ESYT3: variants seen among roughly 807,000 people sequenced by gnomAD.
The protein encoded by ESYT3 is extended synaptotagmin 3.
A neutral mutation model predicts 111.5 loss-of-function variants in ESYT3; 101 were observed. That is an observed-to-expected ratio of 0.91 (90% CI 0.77 to 1.07). The LOEUF is 1.07. Ranked by LOEUF, ESYT3 falls within the 50% of genes least tolerant of loss-of-function variation. The pLI is 0.00. For missense variants in ESYT3, 1,097 were observed against 1,109.4 expected (o/e 0.99, Z 0.16); for synonymous variants, 416 against 446.8 (o/e 0.93, Z 0.87).
chr3:138,471,547 G>T lies in ESYT3; in HGVS notation c.1740+521G>T, dbSNP rs148485032. 3.4e-3 allele frequency among the ~76,000 whole-genome samples: 519 copies of T among 152,200 alleles called. 3 individuals are homozygous for T. Among genetic ancestry groups the T allele is most frequent in the African/African-American group, 0.012 (488 of 41,524 alleles). On this transcript the variant is annotated intron_variant, in intron 17 of 22. Coordinates refer to ENST00000389567, the MANE Select transcript of ESYT3 (RefSeq NM_031913.5). ...TGGTCATTTGAAAATATGTTACAAT[G>T]TATTAATATGTATGTTCTATTATTT... is the stretch of plus-strand genomic sequence containing the variant.
At chr3:138,443,644 T>C (rs987871874) in intron 1 of ESYT3, among the ~76,000 whole-genome samples, 8 of 152,142 alleles carry the variant, frequency 5.3e-5, no homozygotes, top group Admixed American at 5.2e-4. Flanking sequence ...TAGGAAACTG[T>C]GTGTGTCTTT....
In ESYT3 at chr3:138,465,347, G is replaced by A; in HGVS notation, c.1095G>A (p.Val365=). The change falls in exon 10 of 23, where the codon GTG becomes GTA. Residue 365 remains valine, a synonymous_variant. Coordinates refer to ENST00000389567, the MANE Select transcript of ESYT3 (RefSeq NM_031913.5). ...PTWNEVFEFM[V]YEVPGQDLEV... ...CCTCTTTTTCCTTCCAGTTCATGGTGTACGAAGTCCCTGGACAGGACCTGG... is the reference window on the plus strand; with the variant it reads ...CCTCTTTTTCCTTCCAGTTCATGGTATACGAAGTCCCTGGACAGGACCTGG... The A allele has an allele frequency of 6.3e-7, 1 of 1,590,938 alleles. No homozygotes were observed. The highest frequency in any genetic ancestry group is 1.2e-5 in the South Asian group (1 of 86,740).
At chr3:138,460,583 G>T (rs1453030299) in intron 6 of ESYT3, 28 bp from the exon 7 acceptor site, 24 of 1,613,496 alleles carry the variant, frequency 1.5e-5, no homozygotes, top group Non-Finnish European at 2.0e-5. Context: ...ACCCTTTCCA[G>T]CCTAATAGCT....
chr3:138,452,150 C>CTG (rs2031981939), intron 2 of ESYT3, 61 bp downstream of exon 2: 3 of 1,550,044 alleles, frequency 1.9e-6, no homozygotes, highest in Middle Eastern at 3.4e-4. Flanking sequence ...CTCCCCGCGG[C>CTG]TGTCACCCCC....
chr3:138,461,898 T>C (rs145721100), intron 7 of ESYT3, among the ~76,000 whole-genome samples, 188 bp from the exon 8 acceptor site: 223 of 152,012 alleles, frequency 1.5e-3, no homozygotes, highest in African/African-American at 5.2e-3. Flanking sequence ...GCTGTTGAGA[T>C]AGAATGTCAG....
chr3:138,443,176 G>A (rs2031282727), intron 1 of ESYT3, among the ~76,000 whole-genome samples: 2 of 152,226 alleles, frequency 1.3e-5, no homozygotes, highest in South Asian at 2.1e-4. Flanking sequence ...GCTGGGTTCA[G>A]CTGATTTAGG....
intron 1 of ESYT3, among the ~76,000 whole-genome samples, chr3:138,448,343 T>G (rs991302144): frequency 7.1e-6 from 1 of 141,386 alleles, no homozygotes; most frequent in Non-Finnish European, 1.5e-5. Context: ...AAAAACACAG[T>G]GATTAAAACC....
At chr3:138,457,420 C>A in intron 3 of ESYT3, 148 bp from the exon 4 acceptor site, 1 of 754,436 alleles carries the variant, frequency 1.3e-6, no homozygotes, top group Non-Finnish European at 2.4e-6. Flanking sequence ...AGTCTCTGGG[C>A]TGCAGGATAG....
intron 3 of ESYT3, among the ~76,000 whole-genome samples, chr3:138,456,121 C>T (rs565981616): frequency 6.6e-6 from 1 of 152,390 alleles, no homozygotes; most frequent in South Asian, 2.1e-4. Context: ...GTGGATTAGG[C>T]AGGCCTGAGC....
Position 138,479,670 on chromosome 3 carries a change from G to A in ESYT3, c.*2816G>A, listed in dbSNP as rs2033639141. On this transcript the variant is annotated 3_prime_UTR_variant, in exon 23 of 23. Coordinates refer to ENST00000389567, the MANE Select transcript of ESYT3 (RefSeq NM_031913.5). Reference sequence around the variant, plus strand: ...CCCCACAGTTTACCCTTGGCTCATGGCCTTCATGTTTTATCAGCAGGCAAC... The same window carrying A: ...CCCCACAGTTTACCCTTGGCTCATGACCTTCATGTTTTATCAGCAGGCAAC... 6.6e-6 allele frequency: 1 copy of A among 152,190 alleles called. No individual in the cohort carries two copies. Among genetic ancestry groups the A allele is most frequent in the African/African-American group, 2.4e-5 (1 of 41,434 alleles). The allele number at this position is 152,190 out of a possible 1,614,324, so 9.4% of individuals were successfully genotyped here. A position where few individuals can be genotyped will look rare whatever the true frequency, so the allele number is the denominator to read the frequency against.
intron 3 of ESYT3, among the ~76,000 whole-genome samples, chr3:138,457,168 A>G (rs1349181594): frequency 2.0e-5 from 3 of 151,926 alleles, no homozygotes; most frequent in African/African-American, 7.3e-5. Flanking sequence ...GCATTCATTC[A>G]CCCCTGTGAG....
chr3:138,435,647 G>A lies in ESYT3; in HGVS notation c.327+522G>A, dbSNP rs2030609251. Among the ~76,000 whole-genome samples the A allele has an allele frequency of 6.6e-6, 1 of 151,864 alleles. No homozygotes were observed. Among genetic ancestry groups the A allele is most frequent in the Non-Finnish European group, 1.5e-5 (1 of 67,892 alleles). ...GGAGGTGGAGTGGCGGGTACGGCTG[G>A]GAGACCGACGGCGCCGGGCCCCGGG... is the stretch of plus-strand genomic sequence containing the variant. On this transcript the variant is annotated intron_variant, in intron 1 of 22. Transcript: ENST00000389567. The surrounding 1 kb of genome is among the most constrained non-coding windows in gnomAD (Gnocchi z 4.8).
intron 1 of ESYT3, among the ~76,000 whole-genome samples, chr3:138,450,980 GT>G (rs34986131): frequency 0.059 from 8,920 of 152,304 alleles, 618 homozygotes; most frequent in East Asian, 0.38. Flanking sequence ...TGTGGCTGCT[GT>G]TTTGGTGAAC....
intron 10 of ESYT3, among the ~76,000 whole-genome samples, chr3:138,465,986 A>G (rs1386655601): frequency 2.0e-5 from 3 of 152,232 alleles, no homozygotes; most frequent in Non-Finnish European, 4.4e-5. Flanking sequence ...CCCTAAATGA[A>G]TATCTAACCT....
chr3:138,453,199 C>T (rs1308527819), intron 2 of ESYT3, among the ~76,000 whole-genome samples: 1 of 152,210 alleles, frequency 6.6e-6, no homozygotes, highest in Non-Finnish European at 1.5e-5. Context: ...TTGTAGAGTT[C>T]CTCCTGCACT....
At chr3:138,455,018 G>T (rs527705863) in intron 2 of ESYT3, among the ~76,000 whole-genome samples, 176 bp from the exon 3 acceptor site, 3 of 152,260 alleles carry the variant, frequency 2.0e-5, no homozygotes, top group African/African-American at 7.2e-5. Context: ...ATGTTTGACG[G>T]ACAGACAGAT....
intron 1 of ESYT3, among the ~76,000 whole-genome samples, chr3:138,449,257 A>G (rs576214580): frequency 4.6e-5 from 7 of 150,992 alleles, no homozygotes; most frequent in Non-Finnish European, 8.9e-5. Context: ...CCTAATTTTT[A>G]TATTTTTTAG....
downstream of ESYT3, chr3:138,479,934 A>C (rs934977640): frequency 2.0e-5 from 3 of 152,218 alleles, no homozygotes; most frequent in African/African-American, 7.2e-5. Context: ...AAGGTGGTTA[A>C]GTTTTTCATG....
intron 2 of ESYT3, among the ~76,000 whole-genome samples, chr3:138,454,672 C>A (rs911419078): frequency 4.6e-5 from 7 of 152,362 alleles, no homozygotes; most frequent in Admixed American, 1.3e-4. Flanking sequence ...CTGCCATCTT[C>A]CTTCTCCCCA....
Sources: allele counts gnomAD v4.1 joint callset (sites outside exome capture counted in the v4.1 genomes callset), GRCh38; gene constraint gnomAD v4.1.1; non-coding constraint Gnocchi (gnomAD v3.1); transcripts MANE v1.5; gene names NCBI Gene and HGNC (gene_info 2026-07-23, HGNC 2026-07-21).